The following RAPGEF2 variants were observed in gnomAD, a reference collection of about 807,000 sequenced individuals.
The protein encoded by RAPGEF2 is Rap guanine nucleotide exchange factor 2.
Under a neutral mutation model 186.7 loss-of-function variants are expected in RAPGEF2, and 54 were observed. That is an observed-to-expected ratio of 0.29 (90% CI 0.23 to 0.36). The LOEUF (loss-of-function observed/expected upper bound fraction) is 0.36. Among genes scored for constraint, RAPGEF2 ranks in the 10% least tolerant of loss-of-function variants. The pLI is 1.00. For missense variants in RAPGEF2, 1,532 were observed against 2,045.0 expected, an observed-to-expected ratio of 0.75 and a Z score of 4.84; for synonymous variants, 712 against 705.9, an observed-to-expected ratio of 1.01 and a Z score of -0.14.
intron 1 of RAPGEF2, among the ~76,000 whole-genome samples, chr4:159,110,216 A>AT (rs1738337198): frequency 6.6e-6 from 1 of 152,082 alleles, no homozygotes; most frequent in Non-Finnish European, 1.5e-5. Flanking sequence ...TTCTCACACT[A>AT]TTTTTTTCCC....
At chr4:159,308,695 G>GAT (rs1411807046) in intron 8 of RAPGEF2, among the ~76,000 whole-genome samples, 1 of 152,214 alleles carries the variant, frequency 6.6e-6, no homozygotes, top group Non-Finnish European at 1.5e-5. Context: ...ATGTTGCTGA[G>GAT]ATGGTGGGAA....
intron 1 of RAPGEF2, among the ~76,000 whole-genome samples, chr4:159,112,320 C>G (rs1398696182): frequency 6.6e-6 from 1 of 151,584 alleles, no homozygotes; most frequent in Non-Finnish European, 1.5e-5. Flanking sequence ...CTTGGATGAG[C>G]AAGAGTTGTG....
At chr4:159,267,390 T>C in intron 7 of RAPGEF2, 1 of 1,169,138 alleles carries the variant, frequency 8.6e-7, no homozygotes, top group Non-Finnish European at 1.1e-6. Flanking sequence ...ATGTGCTGTG[T>C]TTCTGTTAGT....
In RAPGEF2 at chr4:159,314,027, C is replaced by T. The variant is rs1012929658; in HGVS notation, c.676-564C>T. ...GGGAAGAAAGAGTATGTTGCCTTTA[C>T]GCGTATGGTCTCCTATAGTGTTTCT... is the stretch of plus-strand genomic sequence containing the variant. On this transcript the variant is annotated intron_variant, in intron 8 of 29. Transcript: ENST00000691494. Among the ~76,000 whole-genome samples, 4 of 152,134 alleles carry T rather than the reference C, an allele frequency of 2.6e-5. No homozygotes were observed. The South Asian group carries it at 8.3e-4, about 31-fold the overall frequency.
chr4:159,324,474 C>A (rs1282180846), intron 11 of RAPGEF2, among the ~76,000 whole-genome samples: 1 of 152,036 alleles, frequency 6.6e-6, no homozygotes, highest in East Asian at 1.9e-4. Flanking sequence ...TTTAAATTGC[C>A]AACAGTAATT....
At chr4:159,258,590 T>G (rs1756454001) in intron 7 of RAPGEF2, among the ~76,000 whole-genome samples, 1 of 152,188 alleles carries the variant, frequency 6.6e-6, no homozygotes, top group African/African-American at 2.4e-5. Flanking sequence ...TTTTGAAAAC[T>G]TACATAGTTT....
intron 7 of RAPGEF2, among the ~76,000 whole-genome samples, chr4:159,290,172 A>T (rs1339954836): frequency 1.3e-5 from 2 of 152,224 alleles, no homozygotes; most frequent in African/African-American, 4.8e-5. Context: ...AAGTGGGTTC[A>T]TATTTGTAAA....
At chr4:159,357,694 A>G (rs767107456) in intron 29 of RAPGEF2, among the ~76,000 whole-genome samples, 8 of 152,204 alleles carry the variant, frequency 5.3e-5, no homozygotes, top group Non-Finnish European at 4.4e-5. Context: ...ATTAAATTAA[A>G]TAAATAGAAA....
intron 1 of RAPGEF2, among the ~76,000 whole-genome samples, chr4:159,116,875 TG>T (rs1200040160): frequency 6.6e-5 from 10 of 152,174 alleles, no homozygotes; most frequent in Middle Eastern, 3.4e-3. Context: ...CACTGGGGCC[TG>T]TCAGTGTTGG....
chr4:159,214,582 C>T (rs1048293157), intron 4 of RAPGEF2, among the ~76,000 whole-genome samples: 2 of 151,988 alleles, frequency 1.3e-5, no homozygotes, highest in Non-Finnish European at 2.9e-5. Flanking sequence ...TAAAATTACC[C>T]CATTCTATGA....
intron 1 of RAPGEF2, among the ~76,000 whole-genome samples, chr4:159,131,099 AGAGAGAG>A (rs1560994246): frequency 3.6e-4 from 2 of 5,612 alleles, no homozygotes; most frequent in African/African-American, 3.0e-3. Context: ...TGTGTGTGTG[AGAGAGAG>A]AGAGAGAGAG....
intron 7 of RAPGEF2, among the ~76,000 whole-genome samples, chr4:159,247,481 T>C (rs1754777333): frequency 6.6e-6 from 1 of 152,234 alleles, no homozygotes; most frequent in African/African-American, 2.4e-5. Flanking sequence ...ATAGGGTTTT[T>C]GAAAGCCATG....
intron 7 of RAPGEF2, among the ~76,000 whole-genome samples, chr4:159,288,051 G>C (rs894204128): frequency 6.6e-6 from 1 of 152,162 alleles, no homozygotes; most frequent in African/African-American, 2.4e-5. Context: ...TTCCACACTT[G>C]TGAGTAAACT....
intron 7 of RAPGEF2, among the ~76,000 whole-genome samples, chr4:159,274,509 A>G (rs755240774): frequency 6.6e-6 from 1 of 152,248 alleles, no homozygotes; most frequent in Non-Finnish European, 1.5e-5. Flanking sequence ...GTGTGCGTGT[A>G]TAAGTGTGTT....
At chr4:159,351,684 T>A (rs560755137) in intron 26 of RAPGEF2, among the ~76,000 whole-genome samples, 1 of 152,312 alleles carries the variant, frequency 6.6e-6, no homozygotes, top group Admixed American at 6.5e-5. Flanking sequence ...GGCTTACGCC[T>A]GTAATCCCAG....
At chr4:159,270,974 A>G (rs1439364347) in intron 7 of RAPGEF2, among the ~76,000 whole-genome samples, 1 of 152,204 alleles carries the variant, frequency 6.6e-6, no homozygotes, top group Non-Finnish European at 1.5e-5. Context: ...TTAAAATAAG[A>G]GGAGGTTGCT....
At chr4:159,310,735 A>G (rs2111088318) in intron 8 of RAPGEF2, among the ~76,000 whole-genome samples, 1 of 152,280 alleles carries the variant, frequency 6.6e-6, no homozygotes, top group African/African-American at 2.4e-5. Context: ...TTTGGCTAAC[A>G]TAACTATGTA....
chr4:159,323,952 AG>A (rs1354688303), intron 11 of RAPGEF2, among the ~76,000 whole-genome samples: 1 of 150,832 alleles, frequency 6.6e-6, no homozygotes, highest in Non-Finnish European at 1.5e-5. Context: ...GCTGGAGTGC[AG>A]TGGCGCGATC....
rs971853371 is a variant in RAPGEF2 at position 159,237,888 on chromosome 4, C to T, written c.282-921C>T. Among the ~76,000 whole-genome samples the T allele has an allele frequency of 7.3e-5, 10 of 136,326 alleles. 1 individual carries two copies. The highest frequency in any genetic ancestry group is 3.9e-4 in the Admixed American group (5 of 12,820). 89.4% of individuals were successfully genotyped at this position (136,326 alleles called of 152,430 possible). A position where few individuals can be genotyped will look rare whatever the true frequency, so the allele number is the denominator to read the frequency against. Reference sequence around the variant, plus strand: ...AAAAAAAAAGCCAGGTATGGTGGTACGCACCTGTAGTCCCAGCTACTTGGG... The same window carrying T: ...AAAAAAAAAGCCAGGTATGGTGGTATGCACCTGTAGTCCCAGCTACTTGGG... On this transcript the variant is annotated intron_variant, in intron 4 of 29. Transcript: ENST00000691494.
Sources: allele counts gnomAD v4.1 joint callset (sites outside exome capture counted in the v4.1 genomes callset), GRCh38; gene constraint gnomAD v4.1.1; transcripts MANE v1.5; gene names NCBI Gene and HGNC (gene_info 2026-07-23, HGNC 2026-07-21).